Variants in PUS7 observed in about 807,000 individuals in gnomAD.
PUS7 encodes pseudouridine synthase 7, also known as pseudouridylate synthase 7 homolog.
Under a neutral mutation model 79.8 loss-of-function variants are expected in PUS7, and 48 were observed. That is an observed-to-expected ratio of 0.60 (90% CI 0.48 to 0.76). The LOEUF (loss-of-function observed/expected upper bound fraction) is 0.76. Among genes scored for constraint, PUS7 ranks in the 30% least tolerant of loss-of-function variants. The pLI, the probability that PUS7 is intolerant of heterozygous loss-of-function variation, is 0.00. For synonymous variants in PUS7, 286 were observed against 272.2 expected (o/e 1.05, Z -0.50); for missense variants, 729 against 797.6 (o/e 0.91, Z 1.04).
chr7:105,467,388 C>T (rs1176329191), intron 12 of PUS7, among the ~76,000 whole-genome samples: 1 of 151,220 alleles, frequency 6.6e-6, no homozygotes, highest in Non-Finnish European at 1.5e-5. Flanking sequence ...CTCCCGGGTT[C>T]ACGCCATTCT....
Position 105,482,310 on chromosome 7 carries a change from A to C in PUS7, c.1049+2T>G. 6.2e-7 allele frequency: 1 copy of C among 1,613,008 alleles called. No homozygotes were observed. The highest frequency in any genetic ancestry group is 1.1e-5 in the South Asian group (1 of 90,938). ...TCTACATTCCCACCTGCAGTTCTTT[A>C]CCTGAGAACAACAGTGAAGTGGTTT... On this transcript the variant is annotated splice_donor_variant, in intron 8 of 15. Transcript: ENST00000469408. LOFTEE classifies it high-confidence loss of function.
intron 9 of PUS7, among the ~76,000 whole-genome samples, chr7:105,474,875 T>C (rs955172984): frequency 2.6e-5 from 4 of 152,194 alleles, no homozygotes; most frequent in Non-Finnish European, 5.9e-5. Flanking sequence ...TGTAGTTTTA[T>C]TGGAAAACAG....
At chr7:105,487,018 C>T (rs991333278) in intron 7 of PUS7, among the ~76,000 whole-genome samples, 6 of 151,950 alleles carry the variant, frequency 3.9e-5, no homozygotes, top group African/African-American at 9.7e-5. Flanking sequence ...CGAGATTGTG[C>T]CACTTGTACT....
At chr7:105,500,111 AC>A (rs1825188112) in intron 5 of PUS7, among the ~76,000 whole-genome samples, 2 of 152,268 alleles carry the variant, frequency 1.3e-5, no homozygotes, top group South Asian at 4.1e-4. Context: ...ATGTCACAAC[AC>A]CACAAGCCCA....
intron 1 of PUS7, among the ~76,000 whole-genome samples, chr7:105,519,563 T>C (rs993648524): frequency 6.6e-6 from 1 of 152,204 alleles, no homozygotes; most frequent in Admixed American, 6.5e-5. Context: ...TGCATTCTAA[T>C]ATGCAAAATC....
At chr7:105,506,566 G>A (rs1825471030) in intron 2 of PUS7, among the ~76,000 whole-genome samples, 1 of 151,928 alleles carries the variant, frequency 6.6e-6, no homozygotes, top group Admixed American at 6.6e-5. Flanking sequence ...GGGATTACAG[G>A]CACGTGCCAC....
intron 9 of PUS7, among the ~76,000 whole-genome samples, chr7:105,480,683 G>C (rs1824285269): frequency 6.6e-6 from 1 of 152,162 alleles, no homozygotes; most frequent in East Asian, 1.9e-4. Flanking sequence ...GGCTGAGGCA[G>C]GAGAATCACT....
At position 105,477,311 on chromosome 7, in the gene PUS7, A is replaced by C. The variant is rs555023017; in HGVS notation, c.1175+3741T>G. Among the ~76,000 whole-genome samples, 3 of 152,000 alleles carry C rather than the reference A, an allele frequency of 2.0e-5. No homozygotes were observed. The East Asian group carries it at 5.8e-4, about 29-fold the overall frequency. On this transcript the variant is annotated intron_variant, in intron 9 of 15. Transcript: ENST00000469408. ...CGCCCAGGCTGGAGTGCAGTGGTAC[A>C]ATCTTGGGTCACTTCAACCTCTGCC...
chr7:105,470,087 A>C (rs2133074238), intron 11 of PUS7, among the ~76,000 whole-genome samples: 2 of 152,358 alleles, frequency 1.3e-5, no homozygotes, highest in South Asian at 4.1e-4. Flanking sequence ...GGTTAAAGAG[A>C]GAACCTAAAT....
chr7:105,462,001 C>T (rs1823447397), intron 14 of PUS7, among the ~76,000 whole-genome samples: 1 of 149,792 alleles, frequency 6.7e-6, no homozygotes, highest in East Asian at 2.0e-4. Context: ...CATGATTATG[C>T]CACTGCATTC....
At position 105,494,402 on chromosome 7, in the gene PUS7, ATT is replaced by A. The variant is rs756519297; in HGVS notation, c.842+738_842+739del. Among the ~76,000 whole-genome samples the A allele has an allele frequency of 3.1e-3, 275 of 87,768 alleles. 1 individual carries two copies. The highest frequency in any genetic ancestry group is 8.1e-3 in the African/African-American group (195 of 24,174). The allele number at this position is 87,768 out of a possible 152,430, so 57.6% of individuals were successfully genotyped here. ...ATGCACTTCCTATCCATGATCAGTG[ATT>A]TTTTTTTTTTTTTTTTTTTTTTTTG... is the stretch of plus-strand genomic sequence containing the variant. On this transcript the variant is annotated intron_variant, in intron 6 of 15. Coordinates refer to ENST00000469408, the MANE Select transcript of PUS7 (RefSeq NM_019042.5).
intron 5 of PUS7, among the ~76,000 whole-genome samples, chr7:105,500,676 T>C (rs918041323): frequency 6.6e-6 from 1 of 152,142 alleles, no homozygotes; most frequent in Non-Finnish European, 1.5e-5. Context: ...CTGAGAGAAT[T>C]AGGACCAAGT....
intron 4 of PUS7, among the ~76,000 whole-genome samples, chr7:105,505,031 C>T (rs754605843): frequency 2.9e-5 from 4 of 137,200 alleles, no homozygotes; most frequent in East Asian, 2.0e-4. Flanking sequence ...TATGGAGTCT[C>T]GCTCTGCCGC....
intron 3 of PUS7, 39 bp from the exon 4 acceptor site, chr7:105,506,095 T>C (rs778526562): frequency 7.0e-6 from 11 of 1,581,642 alleles, no homozygotes; most frequent in Non-Finnish European, 9.5e-6. Flanking sequence ...GAATCATACA[T>C]AGAATTCAAG....
intron 5 of PUS7, among the ~76,000 whole-genome samples, chr7:105,498,425 G>T (rs376859635): frequency 2.0e-5 from 3 of 152,160 alleles, no homozygotes; most frequent in South Asian, 2.1e-4. Flanking sequence ...GAATTCCCAG[G>T]CTGGGTAATA....
chr7:105,468,275 C>G, intron 12 of PUS7, 62 bp downstream of exon 12: 1 of 1,572,844 alleles, frequency 6.4e-7, no homozygotes. Context: ...GATTTTAAAG[C>G]CACTAGTGGC....
intron 1 of PUS7, among the ~76,000 whole-genome samples, chr7:105,513,455 A>G (rs1825773464): frequency 6.6e-6 from 1 of 152,234 alleles, no homozygotes; most frequent in Non-Finnish European, 1.5e-5. Context: ...CTTTCTCTGT[A>G]AAAGTAAAAT....
Position 105,500,095 on chromosome 7 carries a change from G to T in PUS7, c.730+2325C>A, listed in dbSNP as rs1015562967. On this transcript the variant is annotated intron_variant, in intron 5 of 15. Transcript: ENST00000469408. ...GATGGCAGAGATTTAGTCCATCTTT[G>T]AAGAAATGTCACAACACCACAAGCC... 3.9e-5 allele frequency among the ~76,000 whole-genome samples: 6 copies of T among 152,152 alleles called. 1 individual carries two copies. Among genetic ancestry groups the T allele is most frequent in the Admixed American group, 2.6e-4 (4 of 15,272 alleles).
At chr7:105,484,503 T>C (rs1223584413) in intron 7 of PUS7, among the ~76,000 whole-genome samples, 1 of 48,400 alleles carries the variant, frequency 2.1e-5, no homozygotes, top group Non-Finnish European at 4.7e-5. Context: ...CATGAATCTT[T>C]TTTTCTTAAA....
Sources: allele counts gnomAD v4.1 joint callset (sites outside exome capture counted in the v4.1 genomes callset), GRCh38; gene constraint gnomAD v4.1.1; transcripts MANE v1.5; gene names NCBI Gene and HGNC (gene_info 2026-07-23, HGNC 2026-07-21).